Variants in ACO2 observed in about 807,000 individuals in gnomAD.
The protein encoded by ACO2 is aconitase 2, also known as aconitate hydratase, mitochondrial.
ACO2 carries 31 observed loss-of-function variants against 84.5 expected under a neutral mutation model. That is an observed-to-expected ratio of 0.37 (90% confidence interval 0.28 to 0.50). ACO2 has a LOEUF of 0.50. Ranked by LOEUF, ACO2 falls within the 20% of genes least tolerant of loss-of-function variation. The pLI is 0.97. For synonymous variants in ACO2, 414 were observed against 412.7 expected (o/e 1.00, Z -0.04); for missense variants, 685 against 1,029.3 (o/e 0.67, Z 4.58).
intron 1 of ACO2, among the ~76,000 whole-genome samples, chr22:41,489,556 G>C (rs554175766): frequency 6.6e-6 from 1 of 152,234 alleles, no homozygotes; most frequent in South Asian, 2.1e-4. Context: ...AAGAGACCAG[G>C]CCAGTTTTCC....
Position 41,526,110 on chromosome 22 carries a change from G to C in ACO2, c.1762-152G>C. The C allele has an allele frequency of 6.2e-6, 4 of 646,140 alleles. No homozygotes were observed. In the East Asian group the frequency reaches 1.1e-4, roughly 18 times the overall value. The allele number at this position is 646,140 out of a possible 1,614,324, so 40.0% of individuals were successfully genotyped here. The stretch of plus-strand genomic sequence containing the variant: ...TGTGGCCTTAGGGTGGAAGCACCAG[G>C]ACCACAGAACACGTGTCTGAAGACT... On this transcript the variant is annotated intron_variant, in intron 14 of 17. Coordinates refer to ENST00000216254, the MANE Select transcript of ACO2 (RefSeq NM_001098.3).
At chr22:41,500,077 C>G (rs867606302) in intron 2 of ACO2, among the ~76,000 whole-genome samples, 1 of 152,210 alleles carries the variant, frequency 6.6e-6, no homozygotes, top group Middle Eastern at 3.4e-3. Context: ...TATCAAGAAG[C>G]CTCTAGATGT....
intron 9 of ACO2, 42 bp from the exon 10 acceptor site, chr22:41,522,788 G>C (rs1336883383): frequency 1.9e-6 from 3 of 1,605,886 alleles, no homozygotes; most frequent in Middle Eastern, 1.7e-4. Flanking sequence ...TCTGCTCACT[G>C]TCTCCTCCTG....
intron 6 of ACO2, 135 bp downstream of exon 6, chr22:41,516,052 G>T: frequency 8.5e-7 from 1 of 1,171,484 alleles, no homozygotes. Flanking sequence ...ATAGACAGAG[G>T]TAGAAGGAAA....
In ACO2 at chr22:41,523,869, C is replaced by T; in HGVS notation, c.1410C>T (p.Thr470=). 1.9e-6 allele frequency: 3 copies of T among 1,612,338 alleles called. No individual in the cohort carries two copies. Among genetic ancestry groups the T allele is most frequent in the Non-Finnish European group, 2.5e-6 (3 of 1,179,998 alleles). ...IKKGEKNTIV[T]SYNRNFTGRN... ...AGGGGGAGAAGAACACAATCGTCAC[C>T]TCCTACAACAGGAACTTCACGGGCC... The change falls in exon 12 of 18, where the codon ACC becomes ACT. Residue 470 remains threonine, a synonymous_variant. Transcript: ENST00000216254.
At chr22:41,513,137 C>T (rs1247386098) in intron 4 of ACO2, among the ~76,000 whole-genome samples, 1 of 152,224 alleles carries the variant, frequency 6.6e-6, no homozygotes, top group Non-Finnish European at 1.5e-5. Flanking sequence ...AAGCCCCTCT[C>T]TGCAGCAGGG....
At chr22:41,525,488 A>T (rs1338520270) in intron 14 of ACO2, 140 bp downstream of exon 14, 7 of 1,103,168 alleles carry the variant, frequency 6.3e-6, no homozygotes, top group Non-Finnish European at 9.0e-6. Flanking sequence ...TTGGCTGCAG[A>T]GCAGAGAGGG....
At chr22:41,509,843 A>G in intron 3 of ACO2, among the ~76,000 whole-genome samples, 1 of 128,684 alleles carries the variant, frequency 7.8e-6, no homozygotes, top group Non-Finnish European at 1.6e-5. Flanking sequence ...TTTGAGACAG[A>G]GTCTTGCTCT....
intron 1 of ACO2, among the ~76,000 whole-genome samples, chr22:41,496,129 T>G (rs1356709949): frequency 6.6e-6 from 1 of 151,500 alleles, no homozygotes; most frequent in Non-Finnish European, 1.5e-5. Flanking sequence ...CTGGGCAACG[T>G]GGTGAAACCC....
intron 1 of ACO2, 137 bp downstream of exon 1, chr22:41,469,319 C>A: frequency 9.5e-7 from 1 of 1,048,394 alleles, no homozygotes; most frequent in Non-Finnish European, 1.3e-6. Flanking sequence ...GTGGGCCCGG[C>A]ACCCGTGCCC....
intron 3 of ACO2, among the ~76,000 whole-genome samples, chr22:41,511,533 C>T (rs1238149566): frequency 6.6e-6 from 1 of 152,246 alleles, no homozygotes; most frequent in Non-Finnish European, 1.5e-5. Context: ...TTGAGTGCCA[C>T]AGGCACTCTT....
chr22:41,474,665 C>G (rs1413927019), intron 1 of ACO2, among the ~76,000 whole-genome samples: 6 of 123,618 alleles, frequency 4.9e-5, no homozygotes, highest in Non-Finnish European at 9.5e-5. Flanking sequence ...GTGGCGCGAT[C>G]TTGGCTCACT....
At chr22:41,518,771 TAAAA>T (rs760530687) in intron 8 of ACO2, among the ~76,000 whole-genome samples, 199 bp downstream of exon 8, 4 of 124,890 alleles carry the variant, frequency 3.2e-5, no homozygotes, top group Admixed American at 2.5e-4. Flanking sequence ...CCGTCTCTAC[TAAAA>T]AAAAAAAAAA....
chr22:41,480,042 T>C (rs2038068871), intron 1 of ACO2, among the ~76,000 whole-genome samples: 1 of 152,220 alleles, frequency 6.6e-6, no homozygotes, highest in Non-Finnish European at 1.5e-5. Context: ...GCAACCAAGC[T>C]AGCTGACTGC....
At position 41,523,287 on chromosome 22, in the gene ACO2, C is replaced by T. The variant is rs763953506; in HGVS notation, c.1370+9C>T. 10 of 1,599,172 alleles carry T rather than the reference C, an allele frequency of 6.3e-6. No individual in the cohort carries two copies. Among genetic ancestry groups the T allele is most frequent in the African/African-American group, 1.3e-5 (1 of 74,364 alleles). Reference sequence around the variant, plus strand: ...ATTGGCCAGTGGGACAGGTAAGAGGCGTATCTTTTGACAAGACAGCCCCTT... The same window carrying T: ...ATTGGCCAGTGGGACAGGTAAGAGGTGTATCTTTTGACAAGACAGCCCCTT... On this transcript the variant is annotated intron_variant, in intron 11 of 17. Coordinates refer to ENST00000216254, the MANE Select transcript of ACO2 (RefSeq NM_001098.3).
intron 2 of ACO2, among the ~76,000 whole-genome samples, chr22:41,506,663 G>C (rs1332927229): frequency 6.6e-6 from 1 of 152,046 alleles, no homozygotes; most frequent in Non-Finnish European, 1.5e-5. Context: ...GATTACAGGC[G>C]TGAGCCACCA....
chr22:41,482,912 C>T (rs1008335221), intron 1 of ACO2, among the ~76,000 whole-genome samples: 1 of 152,228 alleles, frequency 6.6e-6, no homozygotes, highest in African/African-American at 2.4e-5. Flanking sequence ...GGCACATTTT[C>T]ATTTGATTTA....
In ACO2 at chr22:41,528,740, C is replaced by T. The variant is rs374343215; in HGVS notation, c.*127C>T. 1.2e-4 allele frequency: 165 copies of T among 1,346,390 alleles called. No homozygotes were observed. In the East Asian group the frequency reaches 2.5e-3, roughly 21 times the overall value. 83.4% of individuals were successfully genotyped at this position (1,346,390 alleles called of 1,614,324 possible). ...GTGACCAGACATGCTTCCTGCTCCC[C>T]GCTTAGCCCACGGAGTGACTGTGGT... On this transcript the variant is annotated 3_prime_UTR_variant, in exon 18 of 18. Transcript: ENST00000216254.
chr22:41,502,850 T>C (rs556651847), intron 2 of ACO2, among the ~76,000 whole-genome samples: 1 of 152,142 alleles, frequency 6.6e-6, no homozygotes, highest in African/African-American at 2.4e-5. Context: ...CCTCAAGTGA[T>C]CCACCTGTCT....
Sources: allele counts gnomAD v4.1 joint callset (sites outside exome capture counted in the v4.1 genomes callset), GRCh38; gene constraint gnomAD v4.1.1; transcripts MANE v1.5; gene names NCBI Gene and HGNC (gene_info 2026-07-23, HGNC 2026-07-21).